RPGRIP1: variants seen among roughly 807,000 people sequenced by gnomAD.
RPGRIP1 encodes the protein RPGR interacting protein 1, also known as X-linked retinitis pigmentosa GTPase regulator-interacting protein 1.
Under a neutral mutation model 157.9 loss-of-function variants are expected in RPGRIP1, and 128 were observed. The ratio of observed to expected loss-of-function variants is 0.81; its 90% CI spans 0.70 to 0.94. The LOEUF (loss-of-function observed/expected upper bound fraction) is 0.94. Among genes scored for constraint, RPGRIP1 ranks in the 40% least tolerant of loss-of-function variants. RPGRIP1 has a pLI of 0.00. For synonymous variants in RPGRIP1, 554 were observed against 571.6 expected (o/e 0.97, Z 0.44); for missense variants, 1,486 against 1,545.8 (o/e 0.96, Z 0.65).
chr14:21,316,018 C>G (rs1447436639), intron 10 of RPGRIP1, among the ~76,000 whole-genome samples: 1 of 148,418 alleles, frequency 6.7e-6, no homozygotes, highest in Non-Finnish European at 1.5e-5. Context: ...CTCTGTTGCC[C>G]AGGCTGAGAG....
chr14:21,297,287 G>T (rs1880827261), intron 3 of RPGRIP1, among the ~76,000 whole-genome samples: 1 of 152,088 alleles, frequency 6.6e-6, no homozygotes, highest in Non-Finnish European at 1.5e-5. Flanking sequence ...TAGAGACAGG[G>T]TTTCACCATG....
At chr14:21,342,045 G>A (rs1248149666) in intron 21 of RPGRIP1, among the ~76,000 whole-genome samples, 1 of 146,534 alleles carries the variant, frequency 6.8e-6, no homozygotes, top group East Asian at 2.0e-4. Flanking sequence ...GGGAGACACT[G>A]TCTCAAAAAA....
intron 11 of RPGRIP1, chr14:21,318,285 T>G: frequency 2.9e-6 from 1 of 341,386 alleles, no homozygotes; most frequent in South Asian, 2.2e-5. Flanking sequence ...TTTTTTTTTT[T>G]GTATTTAGTA....
chr14:21,320,936 G>A (rs571399207), intron 12 of RPGRIP1, among the ~76,000 whole-genome samples: 76 of 152,276 alleles, frequency 5.0e-4, no homozygotes, highest in Non-Finnish European at 9.8e-4. Context: ...AGAAGGCAGA[G>A]CGTAGAGAAC....
chr14:21,335,172 G>A (rs1371231782), intron 21 of RPGRIP1, among the ~76,000 whole-genome samples: 1 of 151,696 alleles, frequency 6.6e-6, no homozygotes, highest in African/African-American at 2.4e-5. Flanking sequence ...TTTATGTTTC[G>A]TGTGAATGAA....
intron 2 of RPGRIP1, among the ~76,000 whole-genome samples, chr14:21,291,342 T>C (rs545334846): frequency 6.6e-6 from 1 of 152,192 alleles, no homozygotes; most frequent in Non-Finnish European, 1.5e-5. Flanking sequence ...GTCATAGTGA[T>C]AGGAAACCGT....
intron 10 of RPGRIP1, among the ~76,000 whole-genome samples, chr14:21,312,952 C>G (rs997396167): frequency 3.3e-5 from 5 of 151,090 alleles, no homozygotes; most frequent in Admixed American, 6.6e-5. Context: ...CCCACCTCAG[C>G]CTCCCCAGTA....
chr14:21,317,465 C>A, intron 10 of RPGRIP1: 2 of 1,038,074 alleles, frequency 1.9e-6, no homozygotes, highest in South Asian at 1.7e-5. Flanking sequence ...GGGGTGTTTG[C>A]TCAGTCAGAT....
At chr14:21,280,625 C>A (rs888081556) in intron 1 of RPGRIP1, among the ~76,000 whole-genome samples, 3 of 152,138 alleles carry the variant, frequency 2.0e-5, no homozygotes, top group African/African-American at 7.2e-5. Flanking sequence ...AATCCTGTCA[C>A]CCTCTTAACT....
rs142196176 is a variant in RPGRIP1, at chr14:21,321,245, G to A, written c.1468-14G>A. The A allele has an allele frequency of 4.0e-5, 65 of 1,607,818 alleles. No individual in the cohort carries two copies. The highest frequency in any genetic ancestry group is 3.6e-4 in the African/African-American group (27 of 74,444). On this transcript the variant is annotated splice_polypyrimidine_tract_variant and intron_variant, in intron 12 of 24. Coordinates refer to ENST00000400017, the MANE Select transcript of RPGRIP1 (RefSeq NM_020366.4). ...TATTTATACTCCCTTTTACCAATGC[G>A]TTTCCCTCTACAGCCAAGTGAACCC...
intron 9 of RPGRIP1, among the ~76,000 whole-genome samples, 151 bp downstream of exon 9, chr14:21,312,121 A>G (rs940906655): frequency 1.3e-5 from 2 of 152,256 alleles, no homozygotes; most frequent in African/African-American, 2.4e-5. Flanking sequence ...TTACACCATT[A>G]GAGGGAAAGC....
At chr14:21,289,793 G>A (rs1270949052) in intron 2 of RPGRIP1, among the ~76,000 whole-genome samples, 1 of 152,022 alleles carries the variant, frequency 6.6e-6, no homozygotes. Flanking sequence ...ACCTGGTCGG[G>A]AGTTAAAAAT....
At chr14:21,330,668 CAAAAAAAA>C (rs1883676027) in intron 20 of RPGRIP1, among the ~76,000 whole-genome samples, 1 of 150,666 alleles carries the variant, frequency 6.6e-6, no homozygotes, top group Non-Finnish European at 1.5e-5. Context: ...GACTCCATCT[CAAAAAAAA>C]GAAAAAAATA....
At chr14:21,285,433 G>A (rs781271126) in intron 1 of RPGRIP1, among the ~76,000 whole-genome samples, 8 of 151,868 alleles carry the variant, frequency 5.3e-5, no homozygotes, top group African/African-American at 7.3e-5. Context: ...GTGAGACCCC[G>A]TCTCTACTAA....
At chr14:21,349,793 CCTT>C (rs1319048156) in intron 24 of RPGRIP1, among the ~76,000 whole-genome samples, 2 of 152,166 alleles carry the variant, frequency 1.3e-5, no homozygotes, top group South Asian at 2.1e-4. Flanking sequence ...TTGATCACTG[CCTT>C]CTTCTTAAAT....
intron 21 of RPGRIP1, among the ~76,000 whole-genome samples, chr14:21,338,694 C>G (rs1405507697): frequency 6.6e-6 from 1 of 152,142 alleles, no homozygotes; most frequent in Non-Finnish European, 1.5e-5. Context: ...TCTGTATAGT[C>G]CAACCTAATA....
intron 1 of RPGRIP1, among the ~76,000 whole-genome samples, chr14:21,282,961 A>G (rs72678669): frequency 0.17 from 25,174 of 152,164 alleles, 2,626 homozygotes; most frequent in South Asian, 0.25. Flanking sequence ...CTGGATGTTC[A>G]ACACGCCTTC....
intron 10 of RPGRIP1, 121 bp from the exon 11 acceptor site, chr14:21,317,575 G>GA (rs1646616499): frequency 1.3e-6 from 2 of 1,537,360 alleles, no homozygotes; most frequent in African/African-American, 1.4e-5. Context: ...AGCAAGGGCA[G>GA]AAAAAAACAT....
At chr14:21,298,941 TAA>T (rs10555165) in intron 3 of RPGRIP1, among the ~76,000 whole-genome samples, 2,719 of 82,478 alleles carry the variant, frequency 0.033, 29 homozygotes, top group African/African-American at 0.078. Flanking sequence ...CTCTGTCTCA[TAA>T]AAAAAAAAAA....
Sources: gnomAD v4.1 joint callset for allele counts (sites outside exome capture counted in the v4.1 genomes callset) on GRCh38, gnomAD v4.1.1 for gene constraint, MANE v1.5 for transcripts, NCBI Gene and HGNC (gene_info 2026-07-23, HGNC 2026-07-21) for gene names.